Variants in ZNF420 observed in about 807,000 individuals in gnomAD.
The protein encoded by ZNF420 is zinc finger protein 420.
ZNF420 carries 31 observed loss-of-function variants against 44.7 expected under a neutral mutation model. The ratio of observed to expected loss-of-function variants is 0.69; its 90% CI spans 0.52 to 0.94. ZNF420 has a LOEUF of 0.94. Ranked by LOEUF, ZNF420 falls within the 40% of genes least tolerant of loss-of-function variation. ZNF420 has a pLI of 0.00. For synonymous variants in ZNF420, 245 were observed against 267.4 expected, an observed-to-expected ratio of 0.92 and a Z score of 0.82; for missense variants, 681 against 827.9, an observed-to-expected ratio of 0.82 and a Z score of 2.18.
intron 2 of ZNF420, among the ~76,000 whole-genome samples, chr19:37,083,561 A>G (rs1046751027): frequency 2.0e-5 from 3 of 152,186 alleles, no homozygotes; most frequent in Non-Finnish European, 4.4e-5. Flanking sequence ...ATCTGTGACA[A>G]TAACTGTTCT....
intron 4 of ZNF420, among the ~76,000 whole-genome samples, chr19:37,102,538 G>A (rs1193582853): frequency 6.6e-6 from 1 of 152,198 alleles, no homozygotes; most frequent in Non-Finnish European, 1.5e-5. Context: ...TGGGGCTGTA[G>A]CCAAGCCCTC....
chr19:37,083,962 T>A (rs1968617509), intron 2 of ZNF420, among the ~76,000 whole-genome samples: 1 of 152,216 alleles, frequency 6.6e-6, no homozygotes, highest in Admixed American at 6.5e-5. Flanking sequence ...TATAGAGTTT[T>A]TCTTACTATC....
intron 1 of ZNF420, among the ~76,000 whole-genome samples, chr19:37,058,129 C>A (rs887884834): frequency 6.6e-6 from 1 of 152,158 alleles, no homozygotes; most frequent in African/African-American, 2.4e-5. Flanking sequence ...ATGTCTTCAA[C>A]AAAGAACACT....
chr19:37,014,141 A>G (rs937725930), intron 1 of ZNF420, among the ~76,000 whole-genome samples: 3 of 152,164 alleles, frequency 2.0e-5, no homozygotes, highest in African/African-American at 7.2e-5. Flanking sequence ...TCCATTGAGT[A>G]GGTACTTCTC....
intron 1 of ZNF420, among the ~76,000 whole-genome samples, chr19:37,062,159 GTGTT>G (rs1305938544): frequency 6.6e-6 from 1 of 152,174 alleles, no homozygotes; most frequent in Non-Finnish European, 1.5e-5. Context: ...GAATAGTTGT[GTGTT>G]TGTTTTCTCC....
intron 1 of ZNF420, among the ~76,000 whole-genome samples, chr19:37,072,831 CATT>C (rs1221413246): frequency 1.3e-5 from 2 of 151,806 alleles, no homozygotes; most frequent in East Asian, 1.9e-4. Context: ...TGTTTTCTGT[CATT>C]ATTTCAAAAT....
At chr19:37,010,527 C>T (rs145061865) in intron 1 of ZNF420, among the ~76,000 whole-genome samples, 1 of 152,088 alleles carries the variant, frequency 6.6e-6, no homozygotes, top group African/African-American at 2.4e-5. Flanking sequence ...CTCCCATTCT[C>T]TCTTCTCTCT....
At chr19:37,100,934 C>A (rs1278557572) in intron 4 of ZNF420, among the ~76,000 whole-genome samples, 2 of 149,320 alleles carry the variant, frequency 1.3e-5, no homozygotes, top group East Asian at 2.0e-4. Context: ...TCTTTAATTT[C>A]TTTTGTCAAT....
Position 37,129,948 on chromosome 19 carries a change from G to A in ZNF420, c.*890G>A. ...TACAGACTATTTTGCAATGAAAAAT[G>A]ATGAGAGTTTGTGATACAGACTGCT... is the stretch of plus-strand genomic sequence containing the variant. On this transcript the variant is annotated 3_prime_UTR_variant, in exon 5 of 5. Transcript: ENST00000337995. The A allele has an allele frequency of 4.3e-6, 6 of 1,392,390 alleles. No individual in the cohort carries two copies. The highest frequency in any genetic ancestry group is 5.6e-6 in the Non-Finnish European group (6 of 1,066,766). The allele number at this position is 1,392,390 out of a possible 1,614,324, so 86.3% of individuals were successfully genotyped here. A position where few individuals can be genotyped will look rare whatever the true frequency, so the allele number is the denominator to read the frequency against.
At chr19:37,008,269 G>C (rs778563026) in intron 1 of ZNF420, among the ~76,000 whole-genome samples, 41 of 152,084 alleles carry the variant, frequency 2.7e-4, no homozygotes, top group Non-Finnish European at 5.3e-4. Flanking sequence ...GTGTGTGTGT[G>C]TCTCACTTTC....
chr19:37,015,402 A>G (rs2074602473), intron 1 of ZNF420, among the ~76,000 whole-genome samples: 1 of 152,128 alleles, frequency 6.6e-6, no homozygotes, highest in Non-Finnish European at 1.5e-5. Context: ...AACACACCCA[A>G]GAACAGACGC....
chr19:37,052,045 C>G (rs929771262), intron 1 of ZNF420, among the ~76,000 whole-genome samples: 1 of 152,106 alleles, frequency 6.6e-6, no homozygotes, highest in Non-Finnish European at 1.5e-5. Context: ...TCTGGGTGCT[C>G]CTGTATTGGA....
At chr19:37,064,432 CA>C (rs1297004992) in intron 1 of ZNF420, among the ~76,000 whole-genome samples, 1 of 152,112 alleles carries the variant, frequency 6.6e-6, no homozygotes, top group Non-Finnish European at 1.5e-5. Flanking sequence ...CGGCCTTTAA[CA>C]GGTTCCTATC....
intron 3 of ZNF420, 145 bp downstream of exon 3, chr19:37,089,272 G>A: frequency 9.4e-6 from 7 of 745,802 alleles, no homozygotes; most frequent in South Asian, 8.7e-5. Flanking sequence ...ATAAGTGATA[G>A]TGTCTTCCCT....
In ZNF420 at chr19:37,020,703, T is replaced by A. The variant is rs570500911; in HGVS notation, c.-125+12621T>A. 3.3e-5 allele frequency among the ~76,000 whole-genome samples: 5 copies of A among 152,352 alleles called. No individual in the cohort carries two copies. The East Asian group carries it at 7.7e-4, about 23-fold the overall frequency. Reference sequence around the variant, plus strand: ...ATGCAGTAAATACACACAGTGCACATTATTCAGCCTTTAAATAGAAGGAAA... The same window carrying A: ...ATGCAGTAAATACACACAGTGCACAATATTCAGCCTTTAAATAGAAGGAAA... On this transcript the variant is annotated intron_variant, in intron 1 of 4. Coordinates refer to the ZNF420 transcript ENST00000587029.
At chr19:37,119,679 C>T (rs1472619296) in intron 4 of ZNF420, among the ~76,000 whole-genome samples, 1 of 151,928 alleles carries the variant, frequency 6.6e-6, no homozygotes, top group Non-Finnish European at 1.5e-5. Context: ...ATTAATGAAT[C>T]CAGGAGCTGG....
intron 1 of ZNF420, among the ~76,000 whole-genome samples, chr19:37,015,124 G>A (rs1368142899): frequency 3.3e-5 from 5 of 152,208 alleles, no homozygotes; most frequent in Non-Finnish European, 5.9e-5. Context: ...TGCGAGTGCT[G>A]GATGTCTCTG....
chr19:37,083,770 A>G (rs1968604894), intron 2 of ZNF420, among the ~76,000 whole-genome samples: 1 of 152,152 alleles, frequency 6.6e-6, no homozygotes, highest in African/African-American at 2.4e-5. Context: ...CCACTTCTTT[A>G]TGGAGCCCTG....
Position 37,051,455 on chromosome 19 carries a change from G to A in ZNF420, c.-124-28890G>A, listed in dbSNP as rs767659292. 3.9e-5 allele frequency among the ~76,000 whole-genome samples: 6 copies of A among 152,146 alleles called. No homozygotes were observed. In the South Asian group the frequency reaches 6.2e-4, roughly 16 times the overall value. ...CTTCCTGGTTTAGTCTTGGGAGGGCGTATGTGTTGAGGAATTTATCCGTTT... is the reference window on the plus strand; with the variant it reads ...CTTCCTGGTTTAGTCTTGGGAGGGCATATGTGTTGAGGAATTTATCCGTTT... On this transcript the variant is annotated intron_variant, in intron 1 of 4. Transcript: ENST00000587029.
Sources: gnomAD v4.1 joint callset for allele counts (sites outside exome capture counted in the v4.1 genomes callset) on GRCh38, gnomAD v4.1.1 for gene constraint, MANE v1.5 for transcripts, NCBI Gene and HGNC (gene_info 2026-07-23, HGNC 2026-07-21) for gene names.